TDRD12: variants seen among roughly 807,000 people sequenced by gnomAD.
TDRD12 encodes tudor domain containing 12, also known as putative ATP-dependent RNA helicase TDRD12.
Under a neutral mutation model 133.5 loss-of-function variants are expected in TDRD12, and 158 were observed. The observed-to-expected ratio is 1.18, with a 90% CI of 1.04 to 1.35. TDRD12 has a LOEUF of 1.35. TDRD12 is among the 40% of genes most tolerant of loss of function. TDRD12 has a pLI of 0.00. For synonymous variants in TDRD12, 460 were observed against 477.9 expected (o/e 0.96, Z 0.49); for missense variants, 1,443 against 1,321.3 (o/e 1.09, Z -1.43).
At chr19:32,795,867 C>G (rs984035126) in intron 14 of TDRD12, among the ~76,000 whole-genome samples, 3 of 152,056 alleles carry the variant, frequency 2.0e-5, no homozygotes, top group Non-Finnish European at 4.4e-5. Context: ...AGGGGAGGTG[C>G]CACATACCTT....
At chr19:32,793,939 T>C (rs534347134) in intron 13 of TDRD12, among the ~76,000 whole-genome samples, 78 of 150,716 alleles carry the variant, frequency 5.2e-4, no homozygotes, top group Middle Eastern at 3.4e-3. Flanking sequence ...GGATTACAGG[T>C]GCCTGACACC....
Position 32,757,027 on chromosome 19 carries a change from C to A in TDRD12, c.773-11C>A. The stretch of plus-strand genomic sequence containing the variant: ...TCATGCTTTAATTCTGAAATTTATT[C>A]TTTCTATCAGATTCACATGGTGTAA... On this transcript the variant is annotated splice_polypyrimidine_tract_variant and intron_variant, in intron 7 of 27. Coordinates refer to ENST00000444215, the Ensembl canonical transcript of TDRD12. The A allele has an allele frequency of 6.5e-7, 1 of 1,547,338 alleles. No individual in the cohort carries two copies. The highest frequency in any genetic ancestry group is 8.7e-7 in the Non-Finnish European group (1 of 1,143,174).
intron 23 of TDRD12, among the ~76,000 whole-genome samples, chr19:32,810,755 C>T (rs779604540): frequency 8.6e-5 from 13 of 152,028 alleles, no homozygotes; most frequent in Non-Finnish European, 1.6e-4. Flanking sequence ...TGACAGGTGA[C>T]GTTGCTCATG....
intron 11 of TDRD12, among the ~76,000 whole-genome samples, chr19:32,780,559 T>A (rs979926901): frequency 6.6e-6 from 1 of 152,070 alleles, no homozygotes; most frequent in Non-Finnish European, 1.5e-5. Context: ...AGAACGCAGC[T>A]CTGTTGTACA....
chr19:32,742,427 CT>C (rs1473512091), intron 3 of TDRD12, among the ~76,000 whole-genome samples: 2 of 152,174 alleles, frequency 1.3e-5, no homozygotes, highest in Non-Finnish European at 2.9e-5. Flanking sequence ...TTCCAAAGTG[CT>C]GGGATTACAG....
At chr19:32,785,706 T>G (rs1970888385) in intron 11 of TDRD12, among the ~76,000 whole-genome samples, 1 of 152,196 alleles carries the variant, frequency 6.6e-6, no homozygotes, top group Non-Finnish European at 1.5e-5. Flanking sequence ...TCTTTTGATC[T>G]TTGTTGGTTT....
rs369081062 is a variant in TDRD12, at chr19:32,793,641, TC to T, written c.1288-986del. ...AGAAAAATAAGCAAATAAAAGTCTA[TC>T]TTTTAAAAAGCTTTACAAGTGAAGC... On this transcript the variant is annotated intron_variant, in intron 13 of 27. Transcript: ENST00000444215. Among the ~76,000 whole-genome samples the T allele has an allele frequency of 3.2e-4, 49 of 152,250 alleles. No individual in the cohort carries two copies. The East Asian group carries it at 8.1e-3, about 25-fold the overall frequency.
chr19:32,786,534 A>G (rs1205156372), intron 11 of TDRD12, among the ~76,000 whole-genome samples: 1 of 152,130 alleles, frequency 6.6e-6, no homozygotes, highest in African/African-American at 2.4e-5. Flanking sequence ...ACTTGGCACC[A>G]TTCTCCCCGT....
Position 32,827,158 on chromosome 19 carries a change from CT to C in TDRD12, c.1050-3del. 1 of 1,204,012 alleles carries C rather than the reference CT, an allele frequency of 8.3e-7. No individual in the cohort carries two copies. The highest frequency in any genetic ancestry group is 1.0e-6 in the Non-Finnish European group (1 of 962,418). 74.6% of individuals were successfully genotyped at this position (1,204,012 alleles called of 1,614,324 possible). A position where few individuals can be genotyped will look rare whatever the true frequency, so the allele number is the denominator to read the frequency against. ...ACTTATTTGTTATAATATCTTACTCCTTTAGTAGTGAATTCTAAAAACCTGC... is the reference window on the plus strand; with the variant it reads ...ACTTATTTGTTATAATATCTTACTCCTTAGTAGTGAATTCTAAAAACCTGC... On this transcript the variant is annotated splice_region_variant and splice_polypyrimidine_tract_variant and intron_variant, in intron 9 of 9. Coordinates refer to the TDRD12 transcript ENST00000637289.
At chr19:32,803,069 G>A (rs1971448040) in exon 21 of TDRD12, 4 of 1,535,904 alleles carry the variant, frequency 2.6e-6, no homozygotes. Context: ...CACCGCAGGA[G>A]TTCTGGAAGC....
chr19:32,801,332 C>T (rs538457033), intron 18 of TDRD12, among the ~76,000 whole-genome samples: 28 of 151,778 alleles, frequency 1.8e-4, no homozygotes, highest in Non-Finnish European at 3.4e-4. Flanking sequence ...AGTGCTAAAA[C>T]GTAGAAATGA....
chr19:32,818,403 C>T lies in TDRD12; in HGVS notation c.3383+246C>T, dbSNP rs530229553. The stretch of plus-strand genomic sequence containing the variant: ...GGAATGGGTTCTTGCTCCACAGAGG[C>T]AGGAGCCATGAGGGGGTTTTGAGCA... On this transcript the variant is annotated intron_variant, in intron 27 of 27. Coordinates refer to ENST00000444215, the Ensembl canonical transcript of TDRD12. 2.0e-5 allele frequency among the ~76,000 whole-genome samples: 3 copies of T among 152,286 alleles called. No individual in the cohort carries two copies. In the South Asian group the frequency reaches 6.2e-4, roughly 32 times the overall value.
At chr19:32,809,653 C>T (rs1285606782) in intron 22 of TDRD12, among the ~76,000 whole-genome samples, 2 of 152,212 alleles carry the variant, frequency 1.3e-5, no homozygotes, top group Admixed American at 6.5e-5. Flanking sequence ...TCTGGATTGC[C>T]TAGGTCCCTG....
chr19:32,794,754 C>A, exon 14 of TDRD12: 1 of 703,442 alleles, frequency 1.4e-6, no homozygotes, highest in Admixed American at 2.0e-5. Flanking sequence ...CTACCTCCTA[C>A]CAGTGTTGAC....
chr19:32,815,734 A>G lies in TDRD12; in HGVS notation c.3314+114A>G, dbSNP rs571164485. 1.2e-5 allele frequency: 12 copies of G among 1,030,904 alleles called. No homozygotes were observed. In the South Asian group the frequency reaches 1.2e-4, roughly 10 times the overall value. The allele number at this position is 1,030,904 out of a possible 1,614,324, so 63.9% of individuals were successfully genotyped here. Reference sequence around the variant, plus strand: ...GAGTTGGCTGGGTGCGGTGGCTCACACCTGTAATCCCAGCACTTTGGGAGG... The same window carrying G: ...GAGTTGGCTGGGTGCGGTGGCTCACGCCTGTAATCCCAGCACTTTGGGAGG... On this transcript the variant is annotated intron_variant, in intron 26 of 27. Coordinates refer to ENST00000444215, the Ensembl canonical transcript of TDRD12.
Position 32,731,829 on chromosome 19 carries a change from C to G in TDRD12, c.129C>G (p.Tyr43Ter). 1 of 1,551,058 alleles carries G rather than the reference C, an allele frequency of 6.4e-7. No homozygotes were observed. Among genetic ancestry groups the G allele is most frequent in the Non-Finnish European group, 8.7e-7 (1 of 1,146,804 alleles). Residue 43 changes from tyrosine (Y) to a stop codon, truncating the protein, a stop_gained, in exon 2 of 28, where the codon TAC (tyrosine) becomes TAG (stop). Coordinates refer to ENST00000444215, the Ensembl canonical transcript of TDRD12. LOFTEE classifies it high-confidence loss of function. ...TAAATAGTGCCATGAATGACTTCTACAACAGCACGTGTCAAGATATAGAAA... is the reference window on the plus strand; with the variant it reads ...TAAATAGTGCCATGAATGACTTCTAGAACAGCACGTGTCAAGATATAGAAA...
At chr19:32,821,087 G>C in exon 28 of TDRD12, 2 of 1,535,926 alleles carry the variant, frequency 1.3e-6, no homozygotes, top group Non-Finnish European at 8.7e-7. Flanking sequence ...CTGAGGACAC[G>C]GGTGCAGAAG....
At position 32,756,043 on chromosome 19, in the gene TDRD12, C is replaced by T. The variant is rs553356119; in HGVS notation, c.634C>T (p.Pro212Ser). The change falls in exon 7 of 28, where the codon CCT becomes TCT. Residue 212 changes from proline (P) to serine (S), a missense_variant. Transcript: ENST00000444215. ...AAAGAACTATGCTTGTTATATGTCA[C>T]CTACAAAGAATAAAAACCTTGATTA... is the stretch of plus-strand genomic sequence containing the variant. 39 of 1,476,534 alleles carry T rather than the reference C, an allele frequency of 2.6e-5. No homozygotes were observed. The highest frequency in any genetic ancestry group is 3.3e-5 in the Non-Finnish European group (37 of 1,121,500). The allele number at this position is 1,476,534 out of a possible 1,614,324, so 91.5% of individuals were successfully genotyped here. A position where few individuals can be genotyped will look rare whatever the true frequency, so the allele number is the denominator to read the frequency against.
At chr19:32,806,718 C>T (rs1971561415) in intron 21 of TDRD12, among the ~76,000 whole-genome samples, 1 of 152,024 alleles carries the variant, frequency 6.6e-6, no homozygotes, top group African/African-American at 2.4e-5. Context: ...GGTGCAGTGG[C>T]ACCATCTTGG....
Sources: allele counts gnomAD v4.1 joint callset (sites outside exome capture counted in the v4.1 genomes callset), GRCh38; gene constraint gnomAD v4.1.1; transcripts MANE v1.5; gene names NCBI Gene and HGNC (gene_info 2026-07-23, HGNC 2026-07-21).